CTNNBL1: variants seen among roughly 807,000 people sequenced by gnomAD.
The protein encoded by CTNNBL1 is catenin beta like 1.
A neutral mutation model predicts 72.7 loss-of-function variants in CTNNBL1; 31 were observed. The ratio of observed to expected loss-of-function variants is 0.43; its 90% CI spans 0.32 to 0.58. CTNNBL1 has a LOEUF of 0.58. Among genes scored for constraint, CTNNBL1 ranks in the 20% least tolerant of loss-of-function variants. The pLI, the probability that CTNNBL1 is intolerant of heterozygous loss-of-function variation, is 0.08. For missense variants in CTNNBL1, 534 were observed against 725.1 expected (o/e 0.74, Z 3.03); for synonymous variants, 240 against 267.3 (o/e 0.90, Z 1.00).
At chr20:37,768,437 T>G (rs1420018502) in intron 7 of CTNNBL1, among the ~76,000 whole-genome samples, 2 of 152,230 alleles carry the variant, frequency 1.3e-5, no homozygotes. Context: ...TATTTTCTTA[T>G]GCAAGTTGAT....
chr20:37,704,377 C>T (rs1247595600), intron 1 of CTNNBL1, among the ~76,000 whole-genome samples: 2 of 152,126 alleles, frequency 1.3e-5, no homozygotes, highest in African/African-American at 4.8e-5. Flanking sequence ...TTCTCTCCAT[C>T]CCTTCCTTTC....
chr20:37,860,019 A>C lies in CTNNBL1; in HGVS notation c.1513A>C (p.Asn505His). 6.2e-7 allele frequency: 1 copy of C among 1,614,164 alleles called. No homozygotes were observed. Residue 505 changes from asparagine (N) to histidine (H), a missense_variant, in exon 14 of 16, where the codon AAT (asparagine) becomes CAT (histidine). Transcript: ENST00000361383. ...HICYIMAEIC[N>H]ANVPQIRQRV... Reference sequence around the variant, plus strand: ...CTGCTACATCATGGCCGAGATCTGCAATGCCAATGTCCCCCAGGTAGGAGG... The same window carrying C: ...CTGCTACATCATGGCCGAGATCTGCCATGCCAATGTCCCCCAGGTAGGAGG...
chr20:37,794,444 G>A (rs1366686436), intron 10 of CTNNBL1, among the ~76,000 whole-genome samples: 2 of 152,170 alleles, frequency 1.3e-5, no homozygotes, highest in East Asian at 3.9e-4. Context: ...AGCCTCCTGA[G>A]TAGCTGGGAT....
At position 37,794,855 on chromosome 20, in the gene CTNNBL1, G is replaced by GT. The variant is rs1358749929; in HGVS notation, c.1032-8007dup. Among the ~76,000 whole-genome samples the GT allele has an allele frequency of 3.3e-5, 5 of 152,084 alleles. No homozygotes were observed. In the East Asian group the frequency reaches 9.6e-4, roughly 29 times the overall value. ...AGGTATAGCTTTCTAAGTTGATAGG[G>GT]TTTTTCTGGGAGTTTTTTTGTTTTT... On this transcript the variant is annotated intron_variant, in intron 10 of 15. Transcript: ENST00000361383.
At chr20:37,814,900 A>G (rs1403799791) in intron 11 of CTNNBL1, among the ~76,000 whole-genome samples, 1 of 152,214 alleles carries the variant, frequency 6.6e-6, no homozygotes, top group East Asian at 1.9e-4. Flanking sequence ...AGACTTGTTC[A>G]ACACAGCTTT....
chr20:37,763,612 C>T (rs1367288569), intron 5 of CTNNBL1, among the ~76,000 whole-genome samples: 1 of 152,160 alleles, frequency 6.6e-6, no homozygotes, highest in East Asian at 1.9e-4. Context: ...CCTCCTCAAG[C>T]TTGGTTTGAA....
intron 12 of CTNNBL1, 137 bp downstream of exon 12, chr20:37,840,336 C>G: frequency 1.6e-6 from 1 of 643,882 alleles, no homozygotes; most frequent in South Asian, 1.9e-5. Flanking sequence ...TGTTGCTTTG[C>G]GTGTCAAAGG....
chr20:37,710,570 C>A (rs566839346), intron 1 of CTNNBL1, among the ~76,000 whole-genome samples: 10 of 152,186 alleles, frequency 6.6e-5, no homozygotes, highest in African/African-American at 2.2e-4. Context: ...CTTTGCCCCC[C>A]CCACTGCCAT....
At chr20:37,735,808 G>T (rs1291394725) in intron 2 of CTNNBL1, among the ~76,000 whole-genome samples, 2 of 152,222 alleles carry the variant, frequency 1.3e-5, no homozygotes, top group African/African-American at 4.8e-5. Flanking sequence ...ATTATGGGAT[G>T]ATTCAGTGCT....
intron 1 of CTNNBL1, among the ~76,000 whole-genome samples, chr20:37,700,739 C>T (rs924039429): frequency 6.6e-6 from 1 of 152,178 alleles, no homozygotes; most frequent in African/African-American, 2.4e-5. Context: ...CCACAGATGT[C>T]TGGAAAAAGT....
chr20:37,716,845 A>T (rs6122902), intron 1 of CTNNBL1, among the ~76,000 whole-genome samples: 1 of 152,258 alleles, frequency 6.6e-6, no homozygotes, highest in African/African-American at 2.4e-5. Context: ...TTCCACGTGC[A>T]TTCTATCTTC....
intron 15 of CTNNBL1, among the ~76,000 whole-genome samples, chr20:37,864,107 C>T (rs920722348): frequency 5.9e-5 from 9 of 152,026 alleles, no homozygotes; most frequent in African/African-American, 1.7e-4. Context: ...GGTTGAGACT[C>T]CCATGGAGGT....
In CTNNBL1 at chr20:37,694,105, T is replaced by C. The variant is rs2072766880; in HGVS notation, c.-18T>C. 6.2e-7 allele frequency: 1 copy of C among 1,604,372 alleles called. No homozygotes were observed. Among genetic ancestry groups the C allele is most frequent in the African/African-American group, 1.4e-5 (1 of 74,062 alleles). On this transcript the variant is annotated 5_prime_UTR_variant, in exon 1 of 16. Transcript: ENST00000361383. ...GGCGTGAGTGCAGGGAAGTGGAGTA[T>C]TTGCTGGGCCGGGTACCATGGACGT...
intron 13 of CTNNBL1, among the ~76,000 whole-genome samples, chr20:37,843,095 C>A (rs558210153): frequency 6.6e-6 from 1 of 152,188 alleles, no homozygotes; most frequent in Non-Finnish European, 1.5e-5. Flanking sequence ...GCCACTGTAG[C>A]TTTCCATCTG....
intron 13 of CTNNBL1, among the ~76,000 whole-genome samples, chr20:37,846,814 G>C (rs927455179): frequency 6.6e-6 from 1 of 152,010 alleles, no homozygotes; most frequent in Non-Finnish European, 1.5e-5. Context: ...CTGCTATCAG[G>C]TCTCAGTAAA....
chr20:37,728,033 G>A (rs1020932527), intron 1 of CTNNBL1, among the ~76,000 whole-genome samples: 3 of 152,204 alleles, frequency 2.0e-5, no homozygotes, highest in Admixed American at 6.5e-5. Context: ...AACTTTTTGC[G>A]TCCATATTTC....
At chr20:37,793,841 C>T (rs140739031) in intron 10 of CTNNBL1, among the ~76,000 whole-genome samples, 2,098 of 151,968 alleles carry the variant, frequency 0.014, 26 homozygotes, top group Middle Eastern at 0.031. Context: ...AGTGCAGTGG[C>T]GTGATCTCAG....
chr20:37,864,125 G>A (rs2072515924), intron 15 of CTNNBL1, among the ~76,000 whole-genome samples: 1 of 152,106 alleles, frequency 6.6e-6, no homozygotes, highest in Admixed American at 6.5e-5. Flanking sequence ...GGTGGAAGGG[G>A]TGGGAGGCTG....
At chr20:37,775,919 A>C (rs2073569653) in intron 7 of CTNNBL1, among the ~76,000 whole-genome samples, 2 of 152,232 alleles carry the variant, frequency 1.3e-5, no homozygotes, top group Non-Finnish European at 2.9e-5. Context: ...CTAATGTATA[A>C]GTTGGTGTGG....
Sources: allele counts gnomAD v4.1 joint callset (sites outside exome capture counted in the v4.1 genomes callset), GRCh38; gene constraint gnomAD v4.1.1; transcripts MANE v1.5; gene names NCBI Gene and HGNC (gene_info 2026-07-23, HGNC 2026-07-21).